Variants in TSHR observed in about 807,000 individuals in gnomAD.
TSHR encodes the protein thyrotropin receptor.
Under a neutral mutation model 64.1 loss-of-function variants are expected in TSHR, and 51 were observed. The ratio of observed to expected loss-of-function variants is 0.80; its 90% CI spans 0.64 to 1.01. The LOEUF is 1.01. Ranked by LOEUF, TSHR falls within the 50% of genes least tolerant of loss-of-function variation. TSHR has a pLI of 0.00. For synonymous variants in TSHR, 361 were observed against 361.9 expected, an observed-to-expected ratio of 1.00 and a Z score of 0.03; for missense variants, 877 against 942.8, an observed-to-expected ratio of 0.93 and a Z score of 0.91.
chr14:81,078,095 GA>G (rs927349698), intron 3 of TSHR, among the ~76,000 whole-genome samples: 5 of 151,040 alleles, frequency 3.3e-5, no homozygotes, highest in Admixed American at 1.3e-4. Context: ...TTTGAGTAAA[GA>G]AAAAAATAGT....
At chr14:80,972,735 G>A (rs1887644778) in intron 1 of TSHR, among the ~76,000 whole-genome samples, 1 of 152,042 alleles carries the variant, frequency 6.6e-6, no homozygotes, top group African/African-American at 2.4e-5. Flanking sequence ...CATCTCAAAG[G>A]GGAGCTCGTG....
At chr14:81,003,759 C>A (rs1889459178) in intron 1 of TSHR, 1 of 152,232 alleles carries the variant, frequency 6.6e-6, no homozygotes, top group Non-Finnish European at 1.5e-5. Context: ...ATTCCAGCCC[C>A]CAAAGTAATC....
rs532007406 is a variant in TSHR at position 81,047,942 on chromosome 14, G to A, written c.171-14206G>A. ...ATTACAGGTGTGAGCCACCGCGCCCGGCCTGTTCATTGGCTTTTATATAGA... is the reference window on the plus strand; with the variant it reads ...ATTACAGGTGTGAGCCACCGCGCCCAGCCTGTTCATTGGCTTTTATATAGA... On this transcript the variant is annotated intron_variant, in intron 1 of 9. Coordinates refer to ENST00000298171, the MANE Select transcript of TSHR (RefSeq NM_000369.5). Among the ~76,000 whole-genome samples, 7 of 152,094 alleles carry A rather than the reference G, an allele frequency of 4.6e-5. No homozygotes were observed. In the East Asian group the frequency reaches 5.8e-4, roughly 13 times the overall value.
At chr14:81,001,209 T>G (rs573930071) in intron 1 of TSHR, 9 of 163,708 alleles carry the variant, frequency 5.5e-5, no homozygotes, top group Non-Finnish European at 1.2e-4. Flanking sequence ...TTGAGATATC[T>G]TTTTTTTCCT....
intron 1 of TSHR, among the ~76,000 whole-genome samples, chr14:80,976,267 G>T (rs1887871613): frequency 6.6e-6 from 1 of 152,104 alleles, no homozygotes; most frequent in Non-Finnish European, 1.5e-5. Flanking sequence ...TACAGATCTG[G>T]TTCTCCACAT....
At chr14:81,033,557 G>T (rs1322325250) in intron 1 of TSHR, among the ~76,000 whole-genome samples, 13 of 102,100 alleles carry the variant, frequency 1.3e-4, no homozygotes, top group African/African-American at 2.9e-4. Context: ...TAAAATCAGG[G>T]TTTTTTTTTT....
intron 7 of TSHR, among the ~76,000 whole-genome samples, chr14:81,106,852 G>T (rs1442766250): frequency 6.6e-6 from 1 of 150,826 alleles, no homozygotes; most frequent in African/African-American, 2.4e-5. Flanking sequence ...GGCTGAGGCA[G>T]GACAATCGCT....
intron 8 of TSHR, among the ~76,000 whole-genome samples, chr14:81,109,535 T>A (rs901207103): frequency 6.6e-6 from 1 of 152,246 alleles, no homozygotes; most frequent in African/African-American, 2.4e-5. Flanking sequence ...TACTTATTTT[T>A]AAATAAGAAC....
At position 81,012,030 on chromosome 14, in the gene TSHR, G is replaced by A. The variant is rs552104558; in HGVS notation, c.171-50118G>A. 5.3e-5 allele frequency: 8 copies of A among 151,962 alleles called. No individual in the cohort carries two copies. In the East Asian group the frequency reaches 7.8e-4, roughly 15 times the overall value. 9.4% of individuals were successfully genotyped at this position (151,962 alleles called of 1,614,324 possible). A position where few individuals can be genotyped will look rare whatever the true frequency, so the allele number is the denominator to read the frequency against. On this transcript the variant is annotated intron_variant, in intron 1 of 9. Transcript: ENST00000298171. ...ATGTATACATGTGCCATGCTGCTGC[G>A]CTGCACCCACTAACTCGTCATCTAG...
At chr14:81,062,597 T>A (rs1278735130) in intron 2 of TSHR, among the ~76,000 whole-genome samples, 1 of 152,152 alleles carries the variant, frequency 6.6e-6, no homozygotes, top group Non-Finnish European at 1.5e-5. Flanking sequence ...AGTCACCAAG[T>A]CTTGAATCAC....
intron 1 of TSHR, among the ~76,000 whole-genome samples, chr14:81,002,953 A>G (rs1231528011): frequency 9.9e-6 from 1 of 101,036 alleles, no homozygotes; most frequent in Non-Finnish European, 2.1e-5. Context: ...AGCATTAGGT[A>G]TATCTCCCAA....
intron 3 of TSHR, chr14:81,068,563 A>G: frequency 2.0e-6 from 1 of 496,678 alleles, no homozygotes; most frequent in South Asian, 2.0e-5. Context: ...TTGAACCACT[A>G]TCTGTTCTAT....
chr14:81,038,221 C>G (rs1338979144), intron 1 of TSHR, among the ~76,000 whole-genome samples: 1 of 151,800 alleles, frequency 6.6e-6, no homozygotes, highest in Non-Finnish European at 1.5e-5. Flanking sequence ...AAACAACATG[C>G]TCCTGGAACA....
Position 81,088,118 on chromosome 14 carries a change from G to A in TSHR, c.392+90G>A, listed in dbSNP as rs1248251931. On this transcript the variant is annotated intron_variant, in intron 4 of 9. Coordinates refer to ENST00000298171, the MANE Select transcript of TSHR (RefSeq NM_000369.5). ...TCTCCCAGGAATCTCCCTAGATGAT[G>A]TGGTCCAGGTTCATTTTAATGGTGT... 1.7e-5 allele frequency: 18 copies of A among 1,044,064 alleles called. No individual in the cohort carries two copies. The Admixed American group carries it at 2.8e-4, about 16-fold the overall frequency. The allele number at this position is 1,044,064 out of a possible 1,614,324, so 64.7% of individuals were successfully genotyped here. A position where few individuals can be genotyped will look rare whatever the true frequency, so the allele number is the denominator to read the frequency against.
chr14:81,048,209 T>C (rs1885263466), intron 1 of TSHR, among the ~76,000 whole-genome samples: 1 of 152,160 alleles, frequency 6.6e-6, no homozygotes, highest in South Asian at 2.1e-4. Context: ...GTAATATCCT[T>C]TAGACTCTGT....
intron 7 of TSHR, among the ~76,000 whole-genome samples, chr14:81,101,217 G>A (rs1369492784): frequency 2.6e-5 from 4 of 152,114 alleles, no homozygotes; most frequent in Non-Finnish European, 1.5e-5. Flanking sequence ...CCATCTGCTT[G>A]GGAAGCAGGT....
At chr14:80,997,149 G>C (rs981289732) in intron 1 of TSHR, among the ~76,000 whole-genome samples, 1 of 152,150 alleles carries the variant, frequency 6.6e-6, no homozygotes, top group Non-Finnish European at 1.5e-5. Context: ...TAAAGAAGTT[G>C]AAGAACTCAA....
chr14:80,979,357 G>A (rs1369008000), intron 1 of TSHR, among the ~76,000 whole-genome samples: 1 of 152,208 alleles, frequency 6.6e-6, no homozygotes, highest in Non-Finnish European at 1.5e-5. Context: ...GTTACCAAAG[G>A]CTGTGCAGAG....
chr14:81,108,336 TA>T, intron 7 of TSHR, 38 bp from the exon 8 acceptor site: 1 of 1,433,560 alleles, frequency 7.0e-7, no homozygotes. Flanking sequence ...TAAAATCACC[TA>T]ATTCATTCTC....
Sources: gnomAD v4.1 joint callset for allele counts (sites outside exome capture counted in the v4.1 genomes callset) on GRCh38, gnomAD v4.1.1 for gene constraint, MANE v1.5 for transcripts, NCBI Gene and HGNC (gene_info 2026-07-23, HGNC 2026-07-21) for gene names.